SLC35F4: variants seen among roughly 807,000 people sequenced by gnomAD.
The protein encoded by SLC35F4 is solute carrier family 35 member F4, also known as chromosome 14 open reading frame 36.
A neutral mutation model predicts 44.2 loss-of-function variants in SLC35F4; 24 were observed. That is an observed-to-expected ratio of 0.54 (90% CI 0.39 to 0.76). The LOEUF (loss-of-function observed/expected upper bound fraction) is 0.76. Ranked by LOEUF, SLC35F4 falls within the 30% of genes least tolerant of loss-of-function variation. SLC35F4 has a pLI of 0.00. For missense variants in SLC35F4, 562 were observed against 586.1 expected, an observed-to-expected ratio of 0.96 and a Z score of 0.42; for synonymous variants, 238 against 223.6, an observed-to-expected ratio of 1.06 and a Z score of -0.57.
chr14:57,921,098 T>A (rs181872023), intron 1 of SLC35F4, among the ~76,000 whole-genome samples: 4 of 152,354 alleles, frequency 2.6e-5, no homozygotes, highest in African/African-American at 2.4e-5. Flanking sequence ...CAATGTTTAT[T>A]TCAGGAGATT....
intron 4 of SLC35F4, among the ~76,000 whole-genome samples, chr14:57,577,285 A>C (rs1270779665): frequency 1.3e-5 from 2 of 152,062 alleles, no homozygotes; most frequent in Non-Finnish European, 2.9e-5. Flanking sequence ...GATGTACTTC[A>C]GTCAGTTTTT....
intron 1 of SLC35F4, among the ~76,000 whole-genome samples, chr14:57,968,443 T>C (rs1478279080): frequency 6.6e-6 from 1 of 152,216 alleles, no homozygotes; most frequent in Non-Finnish European, 1.5e-5. Context: ...CACAGTTTAT[T>C]TGGACATTGA....
intron 1 of SLC35F4, among the ~76,000 whole-genome samples, chr14:57,903,873 A>C (rs1889059193): frequency 6.6e-6 from 1 of 152,182 alleles, no homozygotes; most frequent in Non-Finnish European, 1.5e-5. Flanking sequence ...CCAACAATAG[A>C]TTTTCCTGAG....
At chr14:57,714,472 G>T (rs1327946751) in intron 1 of SLC35F4, among the ~76,000 whole-genome samples, 2 of 151,982 alleles carry the variant, frequency 1.3e-5, no homozygotes, top group African/African-American at 4.8e-5. Context: ...CATTTTATTT[G>T]TTGACTTTTC....
chr14:57,971,967 A>G (rs185988452), downstream of SLC35F4, among the ~76,000 whole-genome samples: 2 of 152,356 alleles, frequency 1.3e-5, no homozygotes, highest in Admixed American at 1.3e-4. Flanking sequence ...ATTTTAACTC[A>G]GTTGGTTAGG....
chr14:57,655,597 C>A (rs1362846482), intron 1 of SLC35F4, among the ~76,000 whole-genome samples: 1 of 152,030 alleles, frequency 6.6e-6, no homozygotes, highest in Non-Finnish European at 1.5e-5. Context: ...AAAGCTTGTG[C>A]CTGTACCACC....
At chr14:57,842,369 A>G (rs1885574499) in intron 1 of SLC35F4, among the ~76,000 whole-genome samples, 1 of 152,106 alleles carries the variant, frequency 6.6e-6, no homozygotes, top group South Asian at 2.1e-4. Flanking sequence ...AGTGCTGGAG[A>G]TATTCTGTTT....
intron 1 of SLC35F4, among the ~76,000 whole-genome samples, chr14:57,738,086 A>G (rs2076510693): frequency 6.6e-6 from 1 of 152,242 alleles, no homozygotes; most frequent in South Asian, 2.1e-4. Context: ...ATGAAGGTTC[A>G]GTAATCTAGG....
At chr14:57,581,013 A>C in intron 4 of SLC35F4, 1 of 430,608 alleles carries the variant, frequency 2.3e-6, no homozygotes, top group Non-Finnish European at 4.0e-6. Context: ...GAGCTCACTA[A>C]CCAGTGGAAA....
intron 3 of SLC35F4, among the ~76,000 whole-genome samples, chr14:57,582,186 T>C (rs1440162264): frequency 6.9e-6 from 1 of 145,890 alleles, no homozygotes; most frequent in African/African-American, 2.6e-5. Context: ...TTCCTTTAAG[T>C]CCTAGGCCTA....
intron 1 of SLC35F4, among the ~76,000 whole-genome samples, chr14:57,685,538 C>A (rs983803689): frequency 3.9e-5 from 6 of 151,938 alleles, no homozygotes; most frequent in African/African-American, 1.5e-4. Context: ...AGTTAATAAA[C>A]CTCCTTTCAT....
chr14:57,766,937 G>T (rs1352538853), intron 1 of SLC35F4, among the ~76,000 whole-genome samples: 2 of 152,002 alleles, frequency 1.3e-5, no homozygotes, highest in Non-Finnish European at 2.9e-5. Flanking sequence ...AATTCACTTC[G>T]AATTCTACAA....
chr14:57,941,497 T>A (rs1172426322), intron 1 of SLC35F4, among the ~76,000 whole-genome samples: 1 of 152,152 alleles, frequency 6.6e-6, no homozygotes, highest in African/African-American at 2.4e-5. Flanking sequence ...AATACATAGA[T>A]GCAGAAAATA....
intron 3 of SLC35F4, among the ~76,000 whole-genome samples, chr14:57,586,634 C>T (rs1207499711): frequency 3.5e-5 from 5 of 141,214 alleles, no homozygotes; most frequent in African/African-American, 1.1e-4. Flanking sequence ...AGGAGAATGT[C>T]GTGAACCCAG....
intron 1 of SLC35F4, chr14:57,630,818 G>T: frequency 1.6e-6 from 1 of 609,186 alleles, no homozygotes; most frequent in Non-Finnish European, 2.2e-6. Flanking sequence ...CCTGTACCAG[G>T]CAATGATCAT....
At chr14:57,630,212 G>A (rs2140125983) in intron 1 of SLC35F4, 1 of 564,474 alleles carries the variant, frequency 1.8e-6, no homozygotes. Flanking sequence ...GGAAGAATGT[G>A]TACAGTTCTT....
chr14:57,732,067 A>T (rs993735718), intron 1 of SLC35F4, among the ~76,000 whole-genome samples: 2 of 152,222 alleles, frequency 1.3e-5, no homozygotes, highest in South Asian at 2.1e-4. Context: ...AAGAGGTAAC[A>T]GTAAGATCAA....
chr14:57,585,255 A>G (rs2069617811), intron 3 of SLC35F4, among the ~76,000 whole-genome samples: 1 of 152,132 alleles, frequency 6.6e-6, no homozygotes, highest in Non-Finnish European at 1.5e-5. Context: ...GATTATCTCA[A>G]TAGATGCAGA....
rs114001821 is a variant in SLC35F4, at chr14:57,836,122, C to T, written c.103+29601G>A. 6.8e-3 allele frequency among the ~76,000 whole-genome samples: 1,042 copies of T among 152,238 alleles called. 10 individuals are homozygous for T. The highest frequency in any genetic ancestry group is 0.023 in the African/African-American group (958 of 41,520). On this transcript the variant is annotated intron_variant, in intron 1 of 7. Coordinates refer to ENST00000556826, the MANE Select transcript of SLC35F4 (RefSeq NM_001306087.2). ...GGACCTTTGATTTCTCAATGAGAAG[C>T]TTGAATGTTTTCCAGCAGCCAGTGT...
Sources: allele counts gnomAD v4.1 joint callset (sites outside exome capture counted in the v4.1 genomes callset), GRCh38; gene constraint gnomAD v4.1.1; transcripts MANE v1.5; gene names NCBI Gene and HGNC (gene_info 2026-07-23, HGNC 2026-07-21).